ACTL6B: variants seen among roughly 807,000 people sequenced by gnomAD.
ACTL6B encodes the protein actin-like protein 6B.
In ACTL6B, 48 loss-of-function variants were observed where a neutral mutation model predicts 63.3. The ratio of observed to expected loss-of-function variants is 0.76; its 90% CI spans 0.60 to 0.96. The LOEUF (loss-of-function observed/expected upper bound fraction) is 0.96. Ranked by LOEUF, ACTL6B falls within the 50% of genes least tolerant of loss-of-function variation. ACTL6B has a pLI of 0.00. For missense variants in ACTL6B, 350 were observed against 572.2 expected (o/e 0.61, Z 3.96); for synonymous variants, 230 against 223.8 (o/e 1.03, Z -0.25).
rs553943367 is a variant in ACTL6B at position 100,644,646 on chromosome 7, T to C, written c.1201-1320A>G. 1.2e-4 allele frequency among the ~76,000 whole-genome samples: 18 copies of C among 152,158 alleles called. No homozygotes were observed. In the South Asian group the frequency reaches 3.7e-3, roughly 32 times the overall value. On this transcript the variant is annotated intron_variant, in intron 13 of 13. Coordinates refer to ENST00000160382, the MANE Select transcript of ACTL6B (RefSeq NM_016188.5). ...ATTTTTTGTAGAGATGAGGTCTCGC[T>C]TTGTTGCCCAGGCTGGTCTAGAAAT...
At chr7:100,645,145 T>C (rs575999822) in intron 13 of ACTL6B, among the ~76,000 whole-genome samples, 1 of 152,296 alleles carries the variant, frequency 6.6e-6, no homozygotes, top group East Asian at 1.9e-4. Flanking sequence ...CCAGCCTCTG[T>C]CTTTCTGACC....
chr7:100,645,293 C>T (rs1325141869), intron 13 of ACTL6B, among the ~76,000 whole-genome samples: 2 of 152,068 alleles, frequency 1.3e-5, no homozygotes, highest in African/African-American at 4.8e-5. Context: ...TACCTTCCTT[C>T]GAACCCAGCA....
chr7:100,656,308 CG>C (rs1562851696), intron 1 of ACTL6B, 21 bp downstream of exon 1: 41 of 1,379,458 alleles, frequency 3.0e-5, no homozygotes, highest in South Asian at 6.5e-5. Context: ...CTGCGGGAGC[CG>C]GGGGCCCGAG....
Position 100,646,291 on chromosome 7 carries a change from G to T in ACTL6B, c.1158C>A (p.Arg386=). The change falls in exon 13 of 14, where the codon CGC becomes CGA. Residue 386 remains arginine (R), a synonymous_variant. Coordinates refer to ENST00000160382, the MANE Select transcript of ACTL6B (RefSeq NM_016188.5). The surrounding 1 kb of genome is among the most constrained non-coding windows in gnomAD (Gnocchi z 6.1). ...KLIASNSTME[R]KFSPWIGGSI... ...AACCCCCGATCCAGGGGCTGAACTT[G>T]CGCTCCATGGTGCTGTTGCTGGCAA... 6.2e-7 allele frequency: 1 copy of T among 1,614,142 alleles called. No individual in the cohort carries two copies. Among genetic ancestry groups the T allele is most frequent in the Non-Finnish European group, 8.5e-7 (1 of 1,180,012 alleles).
At chr7:100,644,970 C>T (rs1162607466) in intron 13 of ACTL6B, among the ~76,000 whole-genome samples, 3 of 152,126 alleles carry the variant, frequency 2.0e-5, no homozygotes, top group Non-Finnish European at 2.9e-5. Context: ...GCAGAAGAAT[C>T]GCTTGAACCC....
chr7:100,646,708 C>T lies in ACTL6B; in HGVS notation c.1017+43G>A, dbSNP rs749842020. ...CCCCCCAACCCCGTCTCCCCACTTC[C>T]CCTGGGCCCCTTTGCCGAGCCTCAG... On this transcript the variant is annotated intron_variant, in intron 11 of 13. Coordinates refer to ENST00000160382, the MANE Select transcript of ACTL6B (RefSeq NM_016188.5). The surrounding 1 kb of genome is among the most constrained non-coding windows in gnomAD (Gnocchi z 6.1). 1 of 1,613,292 alleles carries T rather than the reference C, an allele frequency of 6.2e-7. No individual in the cohort carries two copies. The highest frequency in any genetic ancestry group is 1.7e-5 in the Admixed American group (1 of 59,996).
chr7:100,646,437 T>C lies in ACTL6B; in HGVS notation c.1114-102A>G. 1 of 1,546,378 alleles carries C rather than the reference T, an allele frequency of 6.5e-7. No homozygotes were observed. The highest frequency in any genetic ancestry group is 8.9e-7 in the Non-Finnish European group (1 of 1,122,972). On this transcript the variant is annotated intron_variant, in intron 12 of 13. Coordinates refer to ENST00000160382, the MANE Select transcript of ACTL6B (RefSeq NM_016188.5). The surrounding 1 kb of genome is among the most constrained non-coding windows in gnomAD (Gnocchi z 6.1). ...CTTGGGAAGCCACAGGGGCAGGGGT[T>C]CTGCTCTGGTGGCCAGAACAGAAGG...
At position 100,643,194 on chromosome 7, in the gene ACTL6B, G is replaced by T. The variant is rs1803753934; in HGVS notation, c.*52C>A. 2 of 1,563,276 alleles carry T rather than the reference G, an allele frequency of 1.3e-6. No homozygotes were observed. The highest frequency in any genetic ancestry group is 2.7e-5 in the African/African-American group (2 of 74,028). On this transcript the variant is annotated 3_prime_UTR_variant, in exon 14 of 14. Coordinates refer to ENST00000160382, the MANE Select transcript of ACTL6B (RefSeq NM_016188.5). ...AGGAGGGGGGCAATGTGGCATGGGGGTTAAGGGACTTCCATCTGAGCTTGG... is the reference window on the plus strand; with the variant it reads ...AGGAGGGGGGCAATGTGGCATGGGGTTTAAGGGACTTCCATCTGAGCTTGG...
Position 100,646,050 on chromosome 7 carries a change from T to A in ACTL6B, c.1200+199A>T, listed in dbSNP as rs111973761. ...CCACCCAAAGTGCTGGGATGACAGGTGTGGGCCACCATACCGGGCCCCTGC... is the reference window on the plus strand; with the variant it reads ...CCACCCAAAGTGCTGGGATGACAGGAGTGGGCCACCATACCGGGCCCCTGC... On this transcript the variant is annotated intron_variant, in intron 13 of 13. Coordinates refer to ENST00000160382, the MANE Select transcript of ACTL6B (RefSeq NM_016188.5). The surrounding 1 kb of genome is among the most constrained non-coding windows in gnomAD (Gnocchi z 6.1). 7.8e-3 allele frequency among the ~76,000 whole-genome samples: 1,186 copies of A among 152,316 alleles called. 24 individuals are homozygous for A. The highest frequency in any genetic ancestry group is 0.027 in the African/African-American group (1,119 of 41,574).
chr7:100,655,635 C>G lies in ACTL6B; in HGVS notation c.103-49G>C. On this transcript the variant is annotated intron_variant, in intron 2 of 13. Transcript: ENST00000160382. This position sits in a 1 kb window ranked among gnomAD's most constrained non-coding sequence, Gnocchi z 4.4. ...TATTGGCAGGGAGAGAGGTCACCCT[C>G]TTGCCCCTGTCCAGCCCCACAGCAG... 6.3e-7 allele frequency: 1 copy of G among 1,580,428 alleles called. No homozygotes were observed.
At chr7:100,649,046 G>A (rs1562849089) in intron 5 of ACTL6B, among the ~76,000 whole-genome samples, 1 of 149,926 alleles carries the variant, frequency 6.7e-6, no homozygotes, top group South Asian at 2.1e-4. Flanking sequence ...AGGCTGGAGT[G>A]CAGTGGCGCA....
rs200653444 is a variant in ACTL6B, at chr7:100,650,029, A to C, written c.467+9T>G. 49 of 1,613,210 alleles carry C rather than the reference A, an allele frequency of 3.0e-5. No homozygotes were observed. In the African/African-American group the frequency reaches 5.5e-4, roughly 18 times the overall value. ...CCACCCAGTCAGAGCAGCTCAGTCCAGAGGATACGCGGTGAGCACAGCCGT... is the reference window on the plus strand; with the variant it reads ...CCACCCAGTCAGAGCAGCTCAGTCCCGAGGATACGCGGTGAGCACAGCCGT... On this transcript the variant is annotated intron_variant, in intron 5 of 13. Transcript: ENST00000160382.
intron 5 of ACTL6B, among the ~76,000 whole-genome samples, chr7:100,649,290 C>T (rs1004075135): frequency 2.0e-5 from 3 of 150,710 alleles, no homozygotes; most frequent in African/African-American, 4.9e-5. Context: ...CCACACCCGG[C>T]GACCCCAGTT....
In ACTL6B at chr7:100,655,434, G is replaced by A. The variant is rs1371807840; in HGVS notation, c.255C>T (p.Leu85=). The A allele has an allele frequency of 1.9e-6, 3 of 1,613,976 alleles. No homozygotes were observed. The highest frequency in any genetic ancestry group is 2.5e-6 in the Non-Finnish European group (3 of 1,179,944). ...PRDGAEVMSP[L]KNGMIEDWEC... ...GGGGCCCCTTACTCATGCCATTCTT[G>A]AGGGGCGACATGACCTCCGCTCCAT... The change falls in exon 3 of 14, where the codon CTC becomes CTT. Residue 85 remains leucine, a synonymous_variant. Transcript: ENST00000160382. The surrounding 1 kb of genome is among the most constrained non-coding windows in gnomAD (Gnocchi z 4.4).
rs776846416 is a variant in ACTL6B at position 100,655,439 on chromosome 7, GC to G, written c.249del (p.Leu85SerfsTer5). On this transcript the variant is annotated frameshift_variant, in exon 3 of 14. Transcript: ENST00000160382. LOFTEE classifies it high-confidence loss of function. The surrounding 1 kb of genome is among the most constrained non-coding windows in gnomAD (Gnocchi z 4.4). ...CCCTTACTCATGCCATTCTTGAGGG[GC>G]GACATGACCTCCGCTCCATCCCGAG... The part of the protein sequence containing the change: ...HVPRDGAEVM[S>X]PLKNGMIEDW... 6.2e-7 allele frequency: 1 copy of G among 1,614,022 alleles called. No homozygotes were observed. The highest frequency in any genetic ancestry group is 1.1e-5 in the South Asian group (1 of 91,082).
chr7:100,644,713 C>T (rs995825192), intron 13 of ACTL6B, among the ~76,000 whole-genome samples: 1 of 150,728 alleles, frequency 6.6e-6, no homozygotes, highest in African/African-American at 2.4e-5. Context: ...TCTCAAAGTG[C>T]TGGGATTACA....
chr7:100,649,736 G>A (rs1803897851), intron 5 of ACTL6B, among the ~76,000 whole-genome samples: 1 of 152,296 alleles, frequency 6.6e-6, no homozygotes, highest in South Asian at 2.1e-4. Flanking sequence ...AGGGACTGCC[G>A]CAGTGTTCTA....
intron 4 of ACTL6B, among the ~76,000 whole-genome samples, chr7:100,650,815 A>T (rs1803927792): frequency 6.6e-6 from 1 of 152,224 alleles, no homozygotes; most frequent in Admixed American, 6.5e-5. Context: ...GGAAAATATA[A>T]GAGAAAAGGG....
intron 4 of ACTL6B, among the ~76,000 whole-genome samples, chr7:100,654,217 C>A (rs1803994888): frequency 6.6e-6 from 1 of 151,758 alleles, no homozygotes; most frequent in African/African-American, 2.4e-5. Context: ...CGTGATCCAC[C>A]CGCCTCGGCC....
Sources: gnomAD v4.1 joint callset for allele counts (sites outside exome capture counted in the v4.1 genomes callset) on GRCh38, gnomAD v4.1.1 for gene constraint, Gnocchi (gnomAD v3.1) non-coding constraint, MANE v1.5 for transcripts, NCBI Gene and HGNC (gene_info 2026-07-23, HGNC 2026-07-21) for gene names.